The following PDE4D variants were observed in gnomAD, a reference collection of about 807,000 sequenced individuals.
PDE4D encodes phosphodiesterase 4D.
PDE4D carries 24 observed loss-of-function variants against 87.4 expected under a neutral mutation model. That is an observed-to-expected ratio of 0.27 (90% CI 0.20 to 0.39). The LOEUF is 0.39. Among genes scored for constraint, PDE4D ranks in the 10% least tolerant of loss-of-function variants. PDE4D has a pLI of 1.00. For missense variants in PDE4D, 714 were observed against 1,041.0 expected (o/e 0.69, Z 4.32); for synonymous variants, 384 against 383.2 (o/e 1.00, Z -0.02).
chr5:59,672,272 G>T (rs574618805), intron 1 of PDE4D, among the ~76,000 whole-genome samples: 3 of 152,190 alleles, frequency 2.0e-5, no homozygotes, highest in Non-Finnish European at 4.4e-5. Flanking sequence ...AGAAAGTGAA[G>T]AGAGGCCAAA....
At chr5:60,208,858 G>T (rs1742848818) in intron 1 of PDE4D, among the ~76,000 whole-genome samples, 1 of 152,116 alleles carries the variant, frequency 6.6e-6, no homozygotes, top group Non-Finnish European at 1.5e-5. Flanking sequence ...TGCAGAAGTT[G>T]CCAACAAGGG....
At chr5:60,227,904 G>T (rs541816748) in intron 1 of PDE4D, among the ~76,000 whole-genome samples, 22 of 151,734 alleles carry the variant, frequency 1.4e-4, no homozygotes, top group African/African-American at 5.3e-4. Flanking sequence ...CATTGCAGTC[G>T]CACGTCACAT....
chr5:59,440,002 A>G (rs544308189), intron 1 of PDE4D, among the ~76,000 whole-genome samples: 2 of 152,212 alleles, frequency 1.3e-5, no homozygotes, highest in Non-Finnish European at 2.9e-5. Flanking sequence ...TAATCCAATG[A>G]AGCTAACGTC....
chr5:59,741,370 C>T (rs571308083), intron 1 of PDE4D, among the ~76,000 whole-genome samples: 6 of 152,188 alleles, frequency 3.9e-5, no homozygotes, highest in South Asian at 4.1e-4. Flanking sequence ...TAAAACCCTT[C>T]GTCCAGTCAA....
intron 1 of PDE4D, among the ~76,000 whole-genome samples, chr5:59,308,197 T>A (rs1248043497): frequency 5.6e-5 from 8 of 142,984 alleles, no homozygotes; most frequent in Non-Finnish European, 9.1e-5. Context: ...AACATCACAC[T>A]CTGGGGACTG....
At chr5:59,805,562 T>G (rs1000934238) in intron 1 of PDE4D, among the ~76,000 whole-genome samples, 2 of 152,238 alleles carry the variant, frequency 1.3e-5, no homozygotes, top group Non-Finnish European at 2.9e-5. Flanking sequence ...GAATGCTATG[T>G]TAGAGTTTAA....
intron 1 of PDE4D, among the ~76,000 whole-genome samples, chr5:59,419,674 G>A (rs1033374169): frequency 2.0e-5 from 3 of 152,128 alleles, no homozygotes; most frequent in African/African-American, 7.2e-5. Context: ...TTTTACTGAC[G>A]TGCATGCAAT....
intron 1 of PDE4D, among the ~76,000 whole-genome samples, chr5:60,306,632 T>C (rs1754524508): frequency 6.6e-6 from 1 of 152,060 alleles, no homozygotes; most frequent in East Asian, 1.9e-4. Flanking sequence ...AAAATTTAGA[T>C]TTCCTTAAAA....
At chr5:58,980,516 C>T (rs990871654) in intron 11 of PDE4D, among the ~76,000 whole-genome samples, 1 of 151,970 alleles carries the variant, frequency 6.6e-6, no homozygotes, top group Non-Finnish European at 1.5e-5. Context: ...AGAGGCCATG[C>T]ATACCTTTAC....
Position 58,975,549 on chromosome 5 carries a change from A to G in PDE4D, c.2013+108T>C, listed in dbSNP as rs922310438. On this transcript the variant is annotated intron_variant, in intron 14 of 14. Transcript: ENST00000340635. The surrounding 1 kb of genome is among the most constrained non-coding windows in gnomAD (Gnocchi z 4.2). ...AGGTGAAATTGAGCTTGTCAAAAAC[A>G]AAGTAATTTTAAAAATCCAGTAAAA... The G allele has an allele frequency of 1.7e-5, 15 of 895,154 alleles. No homozygotes were observed. The highest frequency in any genetic ancestry group is 1.4e-5 in the Non-Finnish European group (9 of 642,892). The allele number at this position is 895,154 out of a possible 1,614,324, so 55.5% of individuals were successfully genotyped here.
At chr5:60,028,551 A>G (rs923536124) in intron 2 of PDE4D, among the ~76,000 whole-genome samples, 1 of 152,114 alleles carries the variant, frequency 6.6e-6, no homozygotes, top group African/African-American at 2.4e-5. Flanking sequence ...ATTTCACTCA[A>G]CTCAAAACCT....
chr5:59,486,806 T>C (rs536955899), intron 1 of PDE4D, among the ~76,000 whole-genome samples: 7 of 152,308 alleles, frequency 4.6e-5, no homozygotes, highest in Admixed American at 3.3e-4. Context: ...AAATATACAA[T>C]GCCCTGTTAA....
chr5:59,432,801 T>G lies in PDE4D; in HGVS notation c.456-216833A>C, dbSNP rs1382704667. Among the ~76,000 whole-genome samples the G allele has an allele frequency of 1.3e-5, 2 of 152,074 alleles. 1 individual carries two copies. The highest frequency in any genetic ancestry group is 1.3e-4 in the Admixed American group (2 of 15,246). ...TGCACAGGTGTACAAAAGGCAGAAG[T>G]CTGGAGTCTCATCAGAATGAGAGAA... On this transcript the variant is annotated intron_variant, in intron 1 of 14. Coordinates refer to ENST00000340635, the MANE Select transcript of PDE4D (RefSeq NM_001104631.2).
intron 2 of PDE4D, among the ~76,000 whole-genome samples, chr5:60,182,662 A>G (rs1784460278): frequency 6.6e-6 from 1 of 152,076 alleles, no homozygotes; most frequent in African/African-American, 2.4e-5. Flanking sequence ...GCGGATCACG[A>G]GGTCGGGAGA....
chr5:59,222,790 G>A (rs1752841244), intron 1 of PDE4D, among the ~76,000 whole-genome samples: 1 of 152,286 alleles, frequency 6.6e-6, no homozygotes, highest in Middle Eastern at 3.4e-3. Flanking sequence ...GCAAGTTGCT[G>A]TATTTTCTAG....
chr5:60,210,457 A>G (rs1743062037), intron 1 of PDE4D, among the ~76,000 whole-genome samples: 1 of 152,188 alleles, frequency 6.6e-6, no homozygotes, highest in East Asian at 1.9e-4. Context: ...TAATCAATAC[A>G]TAGATGCATT....
rs563762831 is a variant in PDE4D, at chr5:59,293,506, T to G, written c.456-77538A>C. 3.5e-4 allele frequency among the ~76,000 whole-genome samples: 54 copies of G among 152,288 alleles called. 1 individual carries two copies. Among genetic ancestry groups the G allele is most frequent in the African/African-American group, 1.3e-3 (54 of 41,576 alleles). On this transcript the variant is annotated intron_variant, in intron 1 of 14. Coordinates refer to ENST00000340635, the MANE Select transcript of PDE4D (RefSeq NM_001104631.2). ...TAAGGAAAACAGATATATCAGAGTTTAAAACTCCGATTCCCATTCTGCTCA... is the reference window on the plus strand; with the variant it reads ...TAAGGAAAACAGATATATCAGAGTTGAAAACTCCGATTCCCATTCTGCTCA...
intron 1 of PDE4D, among the ~76,000 whole-genome samples, chr5:59,807,948 A>T (rs1196334202): frequency 6.6e-6 from 1 of 152,188 alleles, no homozygotes; most frequent in Non-Finnish European, 1.5e-5. Flanking sequence ...GGAAATCTGA[A>T]TTTTAAGAAG....
At chr5:60,010,386 T>G (rs978329551) in intron 2 of PDE4D, among the ~76,000 whole-genome samples, 1 of 152,168 alleles carries the variant, frequency 6.6e-6, no homozygotes, top group African/African-American at 2.4e-5. Flanking sequence ...AATACATTCA[T>G]ACAAAATTGA....
Sources: allele counts gnomAD v4.1 joint callset (sites outside exome capture counted in the v4.1 genomes callset), GRCh38; gene constraint gnomAD v4.1.1; non-coding constraint Gnocchi (gnomAD v3.1); transcripts MANE v1.5; gene names NCBI Gene and HGNC (gene_info 2026-07-23, HGNC 2026-07-21).